Variants in ANKFY1 observed in about 807,000 individuals in gnomAD.
The protein encoded by ANKFY1 is ankyrin repeat and FYVE domain-containing protein 1.
Under a neutral mutation model 128.3 loss-of-function variants are expected in ANKFY1, and 47 were observed. The observed-to-expected ratio is 0.37, with a 90% CI of 0.29 to 0.47. The LOEUF is 0.47. Among genes scored for constraint, ANKFY1 ranks in the 20% least tolerant of loss-of-function variants. The pLI, the probability that ANKFY1 is intolerant of heterozygous loss-of-function variation, is 1.00. For missense variants in ANKFY1, 1,222 were observed against 1,510.6 expected (o/e 0.81, Z 3.17); for synonymous variants, 553 against 601.6 (o/e 0.92, Z 1.18).
At chr17:4,240,986 C>G (rs1409309187) in intron 2 of ANKFY1, among the ~76,000 whole-genome samples, 1 of 152,216 alleles carries the variant, frequency 6.6e-6, no homozygotes, top group Non-Finnish European at 1.5e-5. Context: ...CCTTTAACAT[C>G]TACCTCAAAA....
intron 9 of ANKFY1, 27 bp downstream of exon 9, chr17:4,195,376 C>G (rs774688144): frequency 1.2e-6 from 2 of 1,606,614 alleles, no homozygotes; most frequent in Non-Finnish European, 1.7e-6. Context: ...CAACCGCCTT[C>G]TCACTTGTGC....
At chr17:4,199,687 G>A (rs997992750) in intron 7 of ANKFY1, among the ~76,000 whole-genome samples, 3 of 152,164 alleles carry the variant, frequency 2.0e-5, no homozygotes, top group African/African-American at 7.2e-5. Context: ...CAAATACATG[G>A]TTAAACTCGG....
At chr17:4,199,980 C>T (rs1484557247) in intron 7 of ANKFY1, among the ~76,000 whole-genome samples, 5 of 152,140 alleles carry the variant, frequency 3.3e-5, no homozygotes, top group East Asian at 1.9e-4. Context: ...TGGGGCATCA[C>T]GCCTTGCTGG....
At position 4,173,371 on chromosome 17, in the gene ANKFY1, G is replaced by A. The variant is rs539856863; in HGVS notation, c.2997C>T (p.Ala999=). The A allele has an allele frequency of 1.9e-5, 30 of 1,614,142 alleles. No individual in the cohort carries two copies. Among genetic ancestry groups the A allele is most frequent in the African/African-American group, 9.3e-5 (7 of 75,050 alleles). Residue 999 remains alanine, a synonymous_variant, in exon 21 of 25, where the codon GCC becomes GCT. Transcript: ENST00000341657. ...GCGCTCACCTGAGATTAAAGGCTTC[G>A]GCGTCCACTGTGCACTCTGTCAGGA... is the stretch of plus-strand genomic sequence containing the variant. ...RVLLTECTVD[A]EAFNLRGQSP...
At chr17:4,203,802 C>G (rs906216747) in intron 7 of ANKFY1, among the ~76,000 whole-genome samples, 1 of 103,034 alleles carries the variant, frequency 9.7e-6, no homozygotes, top group African/African-American at 3.5e-5. Context: ...GTGACAGGAG[C>G]GAAACTCCGT....
intron 3 of ANKFY1, chr17:4,223,021 C>T (rs904753686): frequency 2.5e-6 from 2 of 792,370 alleles, no homozygotes; most frequent in East Asian, 2.5e-5. Context: ...GACAGGATAA[C>T]TCTAATAAAA....
intron 1 of ANKFY1, among the ~76,000 whole-genome samples, chr17:4,259,084 G>A (rs148806063): frequency 4.8e-4 from 73 of 152,250 alleles, no homozygotes; most frequent in Middle Eastern, 3.4e-3. Flanking sequence ...AACATTAGGC[G>A]CTGTGGAAAA....
intron 4 of ANKFY1, among the ~76,000 whole-genome samples, chr17:4,215,509 A>C (rs1237846092): frequency 1.3e-5 from 2 of 152,066 alleles, no homozygotes; most frequent in Admixed American, 6.6e-5. Flanking sequence ...TCAAGCATGT[A>C]ATTCCTTCCA....
chr17:4,211,185 C>A (rs955558655), intron 4 of ANKFY1, among the ~76,000 whole-genome samples: 13 of 152,048 alleles, frequency 8.5e-5, no homozygotes, highest in African/African-American at 2.9e-4. Context: ...GGGCAGATTG[C>A]CTGAGCTCAG....
At chr17:4,203,375 TATATA>T (rs1323732196) in intron 7 of ANKFY1, among the ~76,000 whole-genome samples, 2 of 152,184 alleles carry the variant, frequency 1.3e-5, no homozygotes, top group Non-Finnish European at 2.9e-5. Flanking sequence ...AAAAAATCCA[TATATA>T]ATATTTCTTT....
intron 22 of ANKFY1, among the ~76,000 whole-genome samples, chr17:4,172,008 T>A (rs1204538409): frequency 2.0e-5 from 3 of 151,858 alleles, no homozygotes; most frequent in Non-Finnish European, 2.9e-5. Context: ...CTGCCGTGAG[T>A]CCTCGGCAAG....
At chr17:4,230,500 T>C (rs1048096387) in intron 3 of ANKFY1, among the ~76,000 whole-genome samples, 2 of 152,210 alleles carry the variant, frequency 1.3e-5, no homozygotes, top group African/African-American at 2.4e-5. Context: ...TAGAAGCAAA[T>C]TGCTTTACTT....
At chr17:4,223,793 C>T in intron 3 of ANKFY1, 1 of 1,506,248 alleles carries the variant, frequency 6.6e-7, no homozygotes. Context: ...GGTACAGTGT[C>T]TCACAGTTTC....
chr17:4,169,702 G>A lies in ANKFY1; in HGVS notation c.3287-414C>T, dbSNP rs116788519. On this transcript the variant is annotated intron_variant, in intron 23 of 24. Transcript: ENST00000341657. This position sits in a 1 kb window ranked among gnomAD's most constrained non-coding sequence, Gnocchi z 5.0. ...ACTCAGTGACTGAACACAAGTGTGG[G>A]ATGTGAGCGGGAGCAGGCAGAAGAC... Among the ~76,000 whole-genome samples the A allele has an allele frequency of 1.0e-3, 157 of 152,344 alleles. No individual in the cohort carries two copies. Among genetic ancestry groups the A allele is most frequent in the African/African-American group, 3.5e-3 (146 of 41,572 alleles).
At chr17:4,191,122 A>T (rs1422271142) in intron 10 of ANKFY1, 2 of 152,330 alleles carry the variant, frequency 1.3e-5, no homozygotes, top group African/African-American at 4.8e-5. Flanking sequence ...TGGGCGACAG[A>T]GCGAAACTGT....
chr17:4,244,444 TAGG>T (rs1340906351), intron 1 of ANKFY1, among the ~76,000 whole-genome samples: 2 of 152,068 alleles, frequency 1.3e-5, no homozygotes, highest in African/African-American at 2.4e-5. Context: ...AGGGATGAGA[TAGG>T]GGGTTTATGC....
At chr17:4,168,229 C>G (rs2059247168) in intron 24 of ANKFY1, 15 of 180,264 alleles carry the variant, frequency 8.3e-5, no homozygotes, top group Non-Finnish European at 1.6e-4. Context: ...GAGGCAGGCG[C>G]ATCACTTGAG....
chr17:4,214,346 C>A (rs1053625190), intron 4 of ANKFY1, among the ~76,000 whole-genome samples: 3 of 152,136 alleles, frequency 2.0e-5, no homozygotes, highest in African/African-American at 7.2e-5. Flanking sequence ...TAGTAACTGA[C>A]ATGATTTACG....
At chr17:4,196,642 A>C (rs557390810) in intron 8 of ANKFY1, among the ~76,000 whole-genome samples, 98 of 152,364 alleles carry the variant, frequency 6.4e-4, no homozygotes, top group Non-Finnish European at 1.2e-3. Flanking sequence ...GTGCAGATAA[A>C]GTGGGAGTGT....
Sources: gnomAD v4.1 joint callset for allele counts (sites outside exome capture counted in the v4.1 genomes callset) on GRCh38, gnomAD v4.1.1 for gene constraint, Gnocchi (gnomAD v3.1) non-coding constraint, MANE v1.5 for transcripts, NCBI Gene and HGNC (gene_info 2026-07-23, HGNC 2026-07-21) for gene names.